Variants in C10orf71 observed in about 807,000 individuals in gnomAD.
The protein encoded by C10orf71 is chromosome 10 open reading frame 71.
For synonymous variants in C10orf71, 758 were observed against 726.3 expected (o/e 1.04, Z -0.70); for missense variants, 1,869 against 1,804.5 (o/e 1.04, Z -0.65).
upstream of C10orf71, among the ~76,000 whole-genome samples, chr10:49,297,607 T>A (rs1458572139): frequency 6.6e-6 from 1 of 152,232 alleles, no homozygotes; most frequent in Non-Finnish European, 1.5e-5. Flanking sequence ...TTCATGTACA[T>A]GAGCTCCCCT....
chr10:49,305,074 G>A (rs1380953259), intron 1 of C10orf71, among the ~76,000 whole-genome samples: 1 of 152,222 alleles, frequency 6.6e-6, no homozygotes, highest in Non-Finnish European at 1.5e-5. Context: ...CCAGGGCAGG[G>A]TTTCAAGTTC....
At position 49,322,762 on chromosome 10, in the gene C10orf71, G is replaced by A; in HGVS notation, c.217G>A (p.Gly73Ser). ...VFGTFHQRTV[G>S]HTQRKSGIWS... ...TGGGACTTTTCACCAGAGAACAGTG[G>A]GCCACACCCAGAGGAAAAGTGGCAT... is the stretch of plus-strand genomic sequence containing the variant. Residue 73 changes from glycine (G) to serine (S), a missense_variant, in exon 3 of 3, where the codon GGC (glycine) becomes AGC (serine). Coordinates refer to ENST00000374144, the MANE Select transcript of C10orf71 (RefSeq NM_001135196.2). 4.3e-6 allele frequency: 7 copies of A among 1,613,498 alleles called. No individual in the cohort carries two copies. The highest frequency in any genetic ancestry group is 5.9e-6 in the Non-Finnish European group (7 of 1,179,566).
chr10:49,325,832 C>G lies in C10orf71; in HGVS notation c.3287C>G (p.Ala1096Gly). 3 of 1,551,430 alleles carry G rather than the reference C, an allele frequency of 1.9e-6. No individual in the cohort carries two copies. The South Asian group carries it at 3.6e-5, about 18-fold the overall frequency. ...CTGCTTCCCGAGGAGCCTAATCAAG[C>G]CAGCCCCTGGGCCAGCTCCAGTCCT... Reference protein sequence around the residue: ...PELLPEEPNQASPWASSSPAR... With the variant: ...PELLPEEPNQGSPWASSSPAR... The change falls in exon 3 of 3, where the codon GCC becomes GGC. Residue 1096 changes from alanine (A) to glycine (G), a missense_variant. Transcript: ENST00000374144.
In C10orf71 at chr10:49,323,705, G is replaced by T. The variant is rs1157909409; in HGVS notation, c.1160G>T (p.Gly387Val). The T allele has an allele frequency of 5.6e-6, 9 of 1,613,568 alleles. No homozygotes were observed. Among genetic ancestry groups the T allele is most frequent in the Admixed American group, 1.7e-5 (1 of 59,986 alleles). ...AQPPWRKPKT[G>V]KKGKESLQDT... The stretch of plus-strand genomic sequence containing the variant: ...CCCCCATGGAGGAAGCCAAAGACTG[G>T]CAAAAAAGGGAAAGAAAGTCTACAA... The change falls in exon 3 of 3, where the codon GGC (glycine) becomes GTC (valine). Residue 387 changes from glycine to valine, a missense_variant. Gly to Val is a moderately radical substitution (Grantham distance 109). Transcript: ENST00000374144.
At chr10:49,305,917 A>G (rs1848804982) in intron 1 of C10orf71, among the ~76,000 whole-genome samples, 2 of 152,230 alleles carry the variant, frequency 1.3e-5, no homozygotes, top group South Asian at 4.1e-4. Flanking sequence ...ATGAACGAAT[A>G]GATTAGATTA....
At chr10:49,313,665 T>G (rs897615807) in intron 1 of C10orf71, among the ~76,000 whole-genome samples, 2 of 151,786 alleles carry the variant, frequency 1.3e-5, no homozygotes, top group African/African-American at 4.8e-5. Flanking sequence ...TCATGGGAAC[T>G]AGGAAATGGA....
chr10:49,317,924 G>C (rs185262467), intron 2 of C10orf71, among the ~76,000 whole-genome samples: 4 of 152,160 alleles, frequency 2.6e-5, no homozygotes, highest in Non-Finnish European at 5.9e-5. Context: ...GAGGGAAGAT[G>C]ATGTGAAGAC....
chr10:49,319,887 A>G (rs1849066030), intron 2 of C10orf71, among the ~76,000 whole-genome samples: 1 of 152,066 alleles, frequency 6.6e-6, no homozygotes, highest in South Asian at 2.1e-4. Context: ...TAAGCCAGTC[A>G]CAGAAAGATA....
At position 49,326,454 on chromosome 10, in the gene C10orf71, G is replaced by T; in HGVS notation, c.3909G>T (p.Glu1303Asp). 1 of 1,550,276 alleles carries T rather than the reference G, an allele frequency of 6.5e-7. No homozygotes were observed. Among genetic ancestry groups the T allele is most frequent in the Non-Finnish European group, 8.7e-7 (1 of 1,146,812 alleles). The change falls in exon 3 of 3, where the codon GAG becomes GAT. Residue 1303 changes from glutamate to aspartate, a missense_variant. Coordinates refer to ENST00000374144, the MANE Select transcript of C10orf71 (RefSeq NM_001135196.2). ...AAATCAAGACCTTCTATGACCCAGA[G>T]ACGGGCAAGTATGTCAAGGTCTCCA... The part of the protein sequence containing the change: ...QVKIKTFYDP[E>D]TGKYVKVSIP...
At chr10:49,309,147 A>G (rs913028554) in intron 1 of C10orf71, among the ~76,000 whole-genome samples, 8 of 152,228 alleles carry the variant, frequency 5.3e-5, no homozygotes, top group African/African-American at 1.7e-4. Context: ...CCTCACCTGA[A>G]GGACTTCAAC....
At chr10:49,299,663 C>T (rs1392399845) in intron 1 of C10orf71, among the ~76,000 whole-genome samples, 1 of 152,138 alleles carries the variant, frequency 6.6e-6, no homozygotes, top group Non-Finnish European at 1.5e-5. Context: ...ACCACGTACC[C>T]GGAACCGTGT....
chr10:49,325,937 C>A lies in C10orf71; in HGVS notation c.3392C>A (p.Ala1131Glu), dbSNP rs749753073. ...TCTGACCCCCTACTTGAGCTGTCGG[C>A]AGAAGACCTCCGGACCCTCTCTCCA... ...GGSDPLLELS[A>E]EDLRTLSPRG... is the part of the protein sequence containing the mutation. Residue 1131 changes from alanine to glutamate, a missense_variant, in exon 3 of 3, where the codon GCA becomes GAA. Transcript: ENST00000374144. 129 of 1,551,352 alleles carry A rather than the reference C, an allele frequency of 8.3e-5. 1 individual carries two copies. The highest frequency in any genetic ancestry group is 1.1e-4 in the Non-Finnish European group (122 of 1,146,874).
intron 1 of C10orf71, among the ~76,000 whole-genome samples, chr10:49,314,015 G>A (rs530658113): frequency 1.3e-5 from 2 of 152,254 alleles, no homozygotes; most frequent in African/African-American, 2.4e-5. Context: ...TCAAGGAGAG[G>A]AAGAGACTAA....
At chr10:49,301,745 G>C (rs1848732292) in intron 1 of C10orf71, among the ~76,000 whole-genome samples, 1 of 152,160 alleles carries the variant, frequency 6.6e-6, no homozygotes, top group African/African-American at 2.4e-5. Flanking sequence ...AGACAGCCTG[G>C]GGAAAGTCTG....
Position 49,326,248 on chromosome 10 carries a change from G to A in C10orf71, c.3703G>A (p.Val1235Ile), listed in dbSNP as rs1193366205. 6.9e-5 allele frequency: 107 copies of A among 1,550,446 alleles called. No homozygotes were observed. The highest frequency in any genetic ancestry group is 9.2e-5 in the Non-Finnish European group (106 of 1,146,948). Residue 1235 changes from valine to isoleucine, a missense_variant, in exon 3 of 3, where the codon GTC becomes ATC. Physicochemically the swap from Val to Ile is conservative, Grantham distance 29. Transcript: ENST00000374144. ...RERPRHNFPVVRSLPPPVHRH... is the reference protein window; with the variant it reads ...RERPRHNFPVIRSLPPPVHRH... ...GAGGCCCCGACACAATTTCCCCGTGGTCCGTTCCCTGCCCCCTCCCGTGCA... is the reference window on the plus strand; with the variant it reads ...GAGGCCCCGACACAATTTCCCCGTGATCCGTTCCCTGCCCCCTCCCGTGCA...
In C10orf71 at chr10:49,316,793, G is replaced by A. The variant is rs532778722; in HGVS notation, c.-145+546G>A. On this transcript the variant is annotated intron_variant, in intron 2 of 2. Transcript: ENST00000374144. ...TGCTACAGTCCATGGGCCTGTCCTC[G>A]GTCTCACACCTGCTCTTGGCCCTCG... Among the ~76,000 whole-genome samples, 10 of 152,174 alleles carry A rather than the reference G, an allele frequency of 6.6e-5. No individual in the cohort carries two copies. In the East Asian group the frequency reaches 1.2e-3, roughly 18 times the overall value.
In C10orf71 at chr10:49,326,083, G is replaced by A; in HGVS notation, c.3538G>A (p.Ala1180Thr). The A allele has an allele frequency of 1.9e-6, 3 of 1,551,750 alleles. No homozygotes were observed. Among genetic ancestry groups the A allele is most frequent in the Non-Finnish European group, 2.6e-6 (3 of 1,147,004 alleles). The stretch of plus-strand genomic sequence containing the variant: ...TGCAGTCCCACCCAAAACAGAGAAA[G>A]CCCTGCGGCGGGCAAAGAAGCTGGC... ...PPAVPPKTEK[A>T]LRRAKKLASK... Residue 1180 changes from alanine (A) to threonine (T), a missense_variant, in exon 3 of 3, where the codon GCC (alanine) becomes ACC (threonine). Physicochemically the swap from Ala to Thr is moderately conservative, Grantham distance 58. Transcript: ENST00000374144.
chr10:49,326,011 A>G lies in C10orf71; in HGVS notation c.3466A>G (p.Arg1156Gly). Residue 1156 changes from arginine (R) to glycine (G), a missense_variant, in exon 3 of 3, where the codon AGA (arginine) becomes GGA (glycine). By Grantham distance (125) the Arg-to-Gly change is moderately radical (BLOSUM62 -2). Coordinates refer to ENST00000374144, the MANE Select transcript of C10orf71 (RefSeq NM_001135196.2). The stretch of plus-strand genomic sequence containing the variant: ...CACCAGCCCAGCAGGCACCTCTGGG[A>G]GACTTGAGCTTCCTGCACAGCTAGA... Reference protein sequence around the residue: ...VATSPAGTSGRLELPAQLERT... With the variant: ...VATSPAGTSGGLELPAQLERT... The G allele has an allele frequency of 1.3e-6, 2 of 1,551,686 alleles. No homozygotes were observed. Among genetic ancestry groups the G allele is most frequent in the Non-Finnish European group, 8.7e-7 (1 of 1,146,990 alleles).
chr10:49,313,166 T>C (rs1304899299), intron 1 of C10orf71, among the ~76,000 whole-genome samples: 1 of 152,146 alleles, frequency 6.6e-6, no homozygotes, highest in Non-Finnish European at 1.5e-5. Context: ...TAGCCCATGA[T>C]AAAGGGATGT....
Sources: gnomAD v4.1 joint callset for allele counts (sites outside exome capture counted in the v4.1 genomes callset) on GRCh38, gnomAD v4.1.1 for gene constraint, MANE v1.5 for transcripts, NCBI Gene and HGNC (gene_info 2026-07-23, HGNC 2026-07-21) for gene names.